FOXJ3: variants seen among roughly 807,000 people sequenced by gnomAD.
FOXJ3 encodes the protein forkhead box protein J3.
A neutral mutation model predicts 76.1 loss-of-function variants in FOXJ3; 22 were observed. That is an observed-to-expected ratio of 0.29 (90% CI 0.21 to 0.41). The LOEUF (loss-of-function observed/expected upper bound fraction) is 0.41, where lower values mean the gene tolerates loss of function less well. Ranked by LOEUF, FOXJ3 falls within the 10% of genes least tolerant of loss-of-function variation. FOXJ3 has a pLI of 1.00. For synonymous variants in FOXJ3, 269 were observed against 261.2 expected (o/e 1.03, Z -0.29); for missense variants, 613 against 762.1 (o/e 0.80, Z 2.30).
chr1:42,248,977 C>A (rs1649792714), intron 4 of FOXJ3, among the ~76,000 whole-genome samples: 1 of 152,032 alleles, frequency 6.6e-6, no homozygotes, highest in Non-Finnish European at 1.5e-5. Flanking sequence ...TTGTTCAACT[C>A]CCACTATGAG....
chr1:42,279,590 C>A (rs1194838278), intron 2 of FOXJ3, among the ~76,000 whole-genome samples: 1 of 152,124 alleles, frequency 6.6e-6, no homozygotes, highest in Admixed American at 6.5e-5. Context: ...GCCAGGTTAA[C>A]ACATATCCTC....
At chr1:42,287,540 AG>A (rs1245878615) in intron 2 of FOXJ3, among the ~76,000 whole-genome samples, 1 of 152,184 alleles carries the variant, frequency 6.6e-6, no homozygotes, top group Non-Finnish European at 1.5e-5. Context: ...TCTTCTCACA[AG>A]ATCTGTTTTA....
chr1:42,189,211 G>C (rs1427685992), intron 10 of FOXJ3, 92 bp downstream of exon 10: 1 of 866,406 alleles, frequency 1.2e-6, no homozygotes, highest in Non-Finnish European at 1.8e-6. Flanking sequence ...TATATAAGAT[G>C]ATGTTTATTT....
At chr1:42,218,496 C>A (rs953274786) in intron 5 of FOXJ3, among the ~76,000 whole-genome samples, 2 of 152,172 alleles carry the variant, frequency 1.3e-5, no homozygotes, top group African/African-American at 4.8e-5. Flanking sequence ...TCCGCAAGGG[C>A]CAATATGTTT....
chr1:42,297,525 C>T (rs1228341116), intron 2 of FOXJ3, among the ~76,000 whole-genome samples: 1 of 152,136 alleles, frequency 6.6e-6, no homozygotes, highest in Non-Finnish European at 1.5e-5. Context: ...GATAATCATA[C>T]AGTTTTGGGG....
chr1:42,184,931 A>G (rs1646404396), intron 11 of FOXJ3, among the ~76,000 whole-genome samples: 1 of 152,144 alleles, frequency 6.6e-6, no homozygotes, highest in Non-Finnish European at 1.5e-5. Context: ...CAGGGAGACC[A>G]GCAGTGTTGA....
chr1:42,287,251 A>C (rs1653119146), intron 2 of FOXJ3, among the ~76,000 whole-genome samples: 1 of 151,706 alleles, frequency 6.6e-6, no homozygotes. Flanking sequence ...GAGGCAGGAG[A>C]ATCGCATGAA....
intron 12 of FOXJ3, 115 bp from the exon 13 acceptor site, chr1:42,179,940 A>T: frequency 3.0e-6 from 2 of 665,022 alleles, no homozygotes; most frequent in Admixed American, 4.9e-5. Context: ...CACTAATTCA[A>T]CCATAAGCCT....
intron 11 of FOXJ3, among the ~76,000 whole-genome samples, chr1:42,187,168 C>A (rs1401128751): frequency 6.6e-6 from 1 of 152,208 alleles, no homozygotes; most frequent in African/African-American, 2.4e-5. Context: ...TCTTCTAACA[C>A]TGACCCACAT....
intron 4 of FOXJ3, among the ~76,000 whole-genome samples, chr1:42,241,959 A>G (rs343388): frequency 0.62 from 94,646 of 152,048 alleles, 31,142 homozygotes; most frequent in Admixed American, 0.75. Context: ...CACAGCCTCC[A>G]CTAATGACTA....
intron 5 of FOXJ3, among the ~76,000 whole-genome samples, chr1:42,218,419 G>A (rs1251761319): frequency 5.9e-5 from 9 of 152,182 alleles, no homozygotes; most frequent in Non-Finnish European, 1.0e-4. Context: ...TCAGGAAAAA[G>A]TAATGTGTAT....
intron 1 of FOXJ3, among the ~76,000 whole-genome samples, chr1:42,319,341 A>G (rs1406444722): frequency 1.3e-5 from 2 of 152,222 alleles, no homozygotes; most frequent in Non-Finnish European, 2.9e-5. Context: ...AAAGGAATAA[A>G]TGTTACAACA....
chr1:42,217,094 G>C (rs1001001232), intron 5 of FOXJ3, among the ~76,000 whole-genome samples: 1 of 152,194 alleles, frequency 6.6e-6, no homozygotes, highest in Admixed American at 6.5e-5. Context: ...TCTATTTGCA[G>C]ATGACACAAT....
chr1:42,203,361 C>CT (rs1646798818), intron 6 of FOXJ3, among the ~76,000 whole-genome samples: 1 of 152,204 alleles, frequency 6.6e-6, no homozygotes, highest in African/African-American at 2.4e-5. Context: ...GCACCCTATA[C>CT]TTATGGAAAA....
intron 4 of FOXJ3, among the ~76,000 whole-genome samples, chr1:42,246,775 G>T (rs1649589077): frequency 6.6e-6 from 1 of 152,078 alleles, no homozygotes; most frequent in Non-Finnish European, 1.5e-5. Context: ...CAAAAGCAAA[G>T]ATATAGAATC....
chr1:42,316,332 C>A (rs1276667994), intron 1 of FOXJ3, among the ~76,000 whole-genome samples: 2 of 27,800 alleles, frequency 7.2e-5, no homozygotes, highest in South Asian at 1.9e-3. Context: ...CTGCATTGGG[C>A]CTTTTTTTTT....
At chr1:42,205,390 G>A (rs557524316) in intron 6 of FOXJ3, among the ~76,000 whole-genome samples, 1 of 152,232 alleles carries the variant, frequency 6.6e-6, no homozygotes, top group South Asian at 2.1e-4. Flanking sequence ...ACTAGATTCT[G>A]TTAACTCCCC....
At chr1:42,295,935 T>C (rs1368026504) in intron 2 of FOXJ3, among the ~76,000 whole-genome samples, 1 of 152,210 alleles carries the variant, frequency 6.6e-6, no homozygotes, top group Admixed American at 6.5e-5. Flanking sequence ...GAAATCTCCA[T>C]AGTTTTCCAC....
chr1:42,237,174 G>A (rs985511244), intron 4 of FOXJ3, among the ~76,000 whole-genome samples: 1 of 151,826 alleles, frequency 6.6e-6, no homozygotes, highest in Non-Finnish European at 1.5e-5. Context: ...AGGAGATCGA[G>A]ACCATCCTGG....
Sources: gnomAD v4.1 joint callset for allele counts (sites outside exome capture counted in the v4.1 genomes callset) on GRCh38, gnomAD v4.1.1 for gene constraint, MANE v1.5 for transcripts, NCBI Gene and HGNC (gene_info 2026-07-23, HGNC 2026-07-21) for gene names.